Variants in ZMYND8 observed in about 807,000 individuals in gnomAD.
ZMYND8 encodes the protein MYND-type zinc finger-containing chromatin reader ZMYND8.
ZMYND8 carries 37 observed loss-of-function variants against 140.8 expected under a neutral mutation model. The ratio of observed to expected loss-of-function variants is 0.26; its 90% CI spans 0.20 to 0.35. The LOEUF (loss-of-function observed/expected upper bound fraction) is 0.35, where lower values mean the gene tolerates loss of function less well. Among genes scored for constraint, ZMYND8 ranks in the 10% least tolerant of loss-of-function variants. The pLI, the probability that ZMYND8 is intolerant of heterozygous loss-of-function variation, is 1.00. For synonymous variants in ZMYND8, 592 were observed against 597.1 expected, an observed-to-expected ratio of 0.99 and a Z score of 0.12; for missense variants, 1,068 against 1,570.0, an observed-to-expected ratio of 0.68 and a Z score of 5.40.
chr20:47,215,893 G>A (rs542868624), intron 21 of ZMYND8, among the ~76,000 whole-genome samples: 1 of 152,320 alleles, frequency 6.6e-6, no homozygotes, highest in East Asian at 1.9e-4. Context: ...GTCACAGAAC[G>A]TTCTATTGGA....
chr20:47,263,252 T>C (rs1183925399), intron 11 of ZMYND8, among the ~76,000 whole-genome samples: 2 of 151,866 alleles, frequency 1.3e-5, no homozygotes, highest in Non-Finnish European at 2.9e-5. Context: ...CTTGGGCCCA[T>C]TTAAAAACAG....
chr20:47,306,295 T>C (rs2078476963), intron 3 of ZMYND8, among the ~76,000 whole-genome samples: 1 of 151,940 alleles, frequency 6.6e-6, no homozygotes, highest in Non-Finnish European at 1.5e-5. Flanking sequence ...CTTGGGAGGC[T>C]GAGGGAAGAG....
At position 47,294,841 on chromosome 20, in the gene ZMYND8, T is replaced by C. The variant is rs537944788; in HGVS notation, c.454-62A>G. The stretch of plus-strand genomic sequence containing the variant: ...AAAAAAGAAATTACCATCCATGTAC[T>C]GATTTCTATTTTTTCAGTCAACTGA... On this transcript the variant is annotated intron_variant, in intron 4 of 22. Coordinates refer to ENST00000471951, the MANE Select transcript of ZMYND8 (RefSeq NM_001281775.3). The C allele has an allele frequency of 3.4e-5, 49 of 1,461,630 alleles. No homozygotes were observed. The African/African-American group carries it at 6.0e-4, about 18-fold the overall frequency. 90.5% of individuals were successfully genotyped at this position (1,461,630 alleles called of 1,614,324 possible). A position where few individuals can be genotyped will look rare whatever the true frequency, so the allele number is the denominator to read the frequency against.
At chr20:47,290,592 T>G (rs936900682) in intron 6 of ZMYND8, among the ~76,000 whole-genome samples, 1 of 143,446 alleles carries the variant, frequency 7.0e-6, no homozygotes, top group Non-Finnish European at 1.5e-5. Context: ...AGTTTTTTTT[T>G]TTTTTTTTTT....
chr20:47,293,139 G>C (rs2077385791), intron 5 of ZMYND8, among the ~76,000 whole-genome samples: 1 of 18,218 alleles, frequency 5.5e-5, no homozygotes, highest in Non-Finnish European at 1.3e-4. Flanking sequence ...AGGAAGGAAG[G>C]AAGGAAGGAA....
chr20:47,305,255 T>C (rs999140352), intron 3 of ZMYND8, among the ~76,000 whole-genome samples: 3 of 151,390 alleles, frequency 2.0e-5, no homozygotes, highest in South Asian at 4.2e-4. Flanking sequence ...TTTTTTTTTT[T>C]CTTTTTTCTG....
intron 19 of ZMYND8, 67 bp downstream of exon 19, chr20:47,224,250 G>T (rs1241359589): frequency 1.3e-6 from 2 of 1,593,480 alleles, no homozygotes; most frequent in African/African-American, 1.3e-5. Context: ...GACCCCTGAA[G>T]TCCACAGGGG....
chr20:47,227,323 C>A, intron 17 of ZMYND8, 42 bp from the exon 18 acceptor site: 1 of 1,599,136 alleles, frequency 6.3e-7, no homozygotes, highest in Non-Finnish European at 8.6e-7. Flanking sequence ...CTGTCTCATG[C>A]AGTTCACCAG....
chr20:47,280,509 A>C (rs1312629303), intron 10 of ZMYND8, among the ~76,000 whole-genome samples: 2 of 152,164 alleles, frequency 1.3e-5, no homozygotes, highest in Non-Finnish European at 2.9e-5. Flanking sequence ...TCGCTGTCTG[A>C]CGGGTGAGAG....
Position 47,218,987 on chromosome 20 carries a change from C to T in ZMYND8, c.3484+1271G>A, listed in dbSNP as rs544132205. ...ATCCCAGCACTTCCGGAGGCAGAGGCGGGAGGATCACTTGAGGTCAAGAGA... is the reference window on the plus strand; with the variant it reads ...ATCCCAGCACTTCCGGAGGCAGAGGTGGGAGGATCACTTGAGGTCAAGAGA... On this transcript the variant is annotated intron_variant, in intron 21 of 22. Coordinates refer to ENST00000471951, the MANE Select transcript of ZMYND8 (RefSeq NM_001281775.3). 7.3e-5 allele frequency among the ~76,000 whole-genome samples: 11 copies of T among 150,396 alleles called. No homozygotes were observed. The East Asian group carries it at 9.9e-4, about 14-fold the overall frequency.
At chr20:47,316,458 T>C (rs572992035) in intron 2 of ZMYND8, among the ~76,000 whole-genome samples, 1 of 152,154 alleles carries the variant, frequency 6.6e-6, no homozygotes, top group Non-Finnish European at 1.5e-5. Context: ...TAATTCAAGA[T>C]AACACAGGCT....
At chr20:47,274,281 A>ATT (rs1303322305) in intron 11 of ZMYND8, among the ~76,000 whole-genome samples, 1 of 152,232 alleles carries the variant, frequency 6.6e-6, no homozygotes, top group Non-Finnish European at 1.5e-5. Context: ...TATTAGGAAA[A>ATT]GCCACAACAA....
At chr20:47,242,311 A>T (rs2040069579) in intron 14 of ZMYND8, among the ~76,000 whole-genome samples, 1 of 152,156 alleles carries the variant, frequency 6.6e-6, no homozygotes, top group African/African-American at 2.4e-5. Flanking sequence ...CCCAGAGAGG[A>T]GAATCCAGCC....
intron 2 of ZMYND8, among the ~76,000 whole-genome samples, chr20:47,333,746 A>C (rs1029047741): frequency 2.9e-5 from 4 of 139,484 alleles, no homozygotes; most frequent in Admixed American, 7.3e-5. Context: ...AAAAAAAAAA[A>C]AAAAAAAAAA....
At chr20:47,346,208 C>T (rs79036616) in intron 2 of ZMYND8, among the ~76,000 whole-genome samples, 18,531 of 152,036 alleles carry the variant, frequency 0.12, 1,205 homozygotes, top group South Asian at 0.18. Context: ...TCCACTTTGC[C>T]CCGTCTCCTG....
At chr20:47,279,043 G>A (rs934221335) in intron 10 of ZMYND8, among the ~76,000 whole-genome samples, 4 of 151,566 alleles carry the variant, frequency 2.6e-5, no homozygotes, top group African/African-American at 7.3e-5. Flanking sequence ...TCATAACCTC[G>A]CCCCCCTGAC....
chr20:47,305,617 A>T (rs947313742), intron 3 of ZMYND8, among the ~76,000 whole-genome samples: 12 of 151,972 alleles, frequency 7.9e-5, no homozygotes, highest in Non-Finnish European at 1.8e-4. Context: ...TTTTAGGGCA[A>T]CATGTGGGCC....
At chr20:47,278,118 C>T (rs1004201685) in intron 10 of ZMYND8, among the ~76,000 whole-genome samples, 7 of 152,256 alleles carry the variant, frequency 4.6e-5, no homozygotes, top group Middle Eastern at 3.4e-3. Context: ...AGTACAGGCA[C>T]GCGCCACAAC....
At chr20:47,270,907 C>A (rs531868495) in intron 11 of ZMYND8, among the ~76,000 whole-genome samples, 11 of 151,874 alleles carry the variant, frequency 7.2e-5, no homozygotes, top group Non-Finnish European at 1.3e-4. Flanking sequence ...AAAACCCTGT[C>A]TCTACTAAAA....
Sources: allele counts gnomAD v4.1 joint callset (sites outside exome capture counted in the v4.1 genomes callset), GRCh38; gene constraint gnomAD v4.1.1; transcripts MANE v1.5; gene names NCBI Gene and HGNC (gene_info 2026-07-23, HGNC 2026-07-21).